PLCH1: variants seen among roughly 807,000 people sequenced by gnomAD.
PLCH1 encodes the protein phospholipase C eta 1.
Under a neutral mutation model 126.7 loss-of-function variants are expected in PLCH1, and 60 were observed. That is an observed-to-expected ratio of 0.47 (90% CI 0.38 to 0.59). PLCH1 has a LOEUF of 0.59. Ranked by LOEUF, PLCH1 falls within the 20% of genes least tolerant of loss-of-function variation. The pLI is 0.00. For synonymous variants in PLCH1, 719 were observed against 734.9 expected (o/e 0.98, Z 0.35); for missense variants, 1,723 against 2,040.0 (o/e 0.84, Z 2.99).
At chr3:155,653,350 T>C (rs1404781328) in intron 2 of PLCH1, among the ~76,000 whole-genome samples, 1 of 152,186 alleles carries the variant, frequency 6.6e-6, no homozygotes, top group East Asian at 1.9e-4. Flanking sequence ...TTTTGTTTTC[T>C]TCCCTTCCTC....
intron 1 of PLCH1, among the ~76,000 whole-genome samples, chr3:155,733,230 A>G (rs897434523): frequency 2.0e-5 from 3 of 152,202 alleles, no homozygotes; most frequent in Non-Finnish European, 4.4e-5. Context: ...TAAAATTCAT[A>G]TGGAACCACA....
chr3:155,736,655 C>G (rs1272005446), intron 1 of PLCH1, among the ~76,000 whole-genome samples: 1 of 152,122 alleles, frequency 6.6e-6, no homozygotes, highest in Non-Finnish European at 1.5e-5. Flanking sequence ...ATTGCAAAAC[C>G]TCTCCCGCCC....
intron 2 of PLCH1, among the ~76,000 whole-genome samples, chr3:155,653,140 G>GAT (rs1222348272): frequency 1.7e-5 from 1 of 58,110 alleles, no homozygotes. Flanking sequence ...TATAGATATA[G>GAT]ATATAGATAT....
intron 10 of PLCH1, among the ~76,000 whole-genome samples, chr3:155,533,177 T>TG (rs1722915358): frequency 6.6e-6 from 1 of 152,222 alleles, no homozygotes; most frequent in Non-Finnish European, 1.5e-5. Flanking sequence ...AGAGATGATC[T>TG]GAAATTGGAA....
intron 1 of PLCH1, among the ~76,000 whole-genome samples, chr3:155,722,962 T>C (rs781118931): frequency 6.6e-6 from 1 of 152,182 alleles, no homozygotes; most frequent in African/African-American, 2.4e-5. Flanking sequence ...GGACTTTTCT[T>C]GTTGGCAATT....
intron 17 of PLCH1, among the ~76,000 whole-genome samples, chr3:155,493,535 G>A (rs114560494): frequency 0.033 from 4,965 of 152,020 alleles, 103 homozygotes; most frequent in Middle Eastern, 0.14. Flanking sequence ...CTACAGGCAC[G>A]CACCACTATG....
chr3:155,581,201 TA>T (rs1287964226), intron 6 of PLCH1, among the ~76,000 whole-genome samples: 3 of 152,192 alleles, frequency 2.0e-5, no homozygotes, highest in African/African-American at 7.2e-5. Flanking sequence ...GGTTCTGTGG[TA>T]GAATTTTATC....
chr3:155,471,109 C>G (rs986470284), intron 21 of PLCH1, among the ~76,000 whole-genome samples: 7 of 151,956 alleles, frequency 4.6e-5, no homozygotes, highest in East Asian at 1.9e-4. Flanking sequence ...ACTAAATGCT[C>G]CAATTAAAAG....
In PLCH1 at chr3:155,554,312, T is replaced by C. The variant is rs1375348445; in HGVS notation, c.1070-116A>G. ...TCTGAAATTATACCCATTTCAATCC[T>C]GACAAAGACGTGACACAGACACAGA... is the stretch of plus-strand genomic sequence containing the variant. On this transcript the variant is annotated intron_variant, in intron 8 of 22. Coordinates refer to ENST00000460012, the MANE Select transcript of PLCH1 (RefSeq NM_014996.4). The C allele has an allele frequency of 3.2e-6, 3 of 945,486 alleles. No individual in the cohort carries two copies. In the African/African-American group the frequency reaches 5.0e-5, roughly 16 times the overall value. The allele number at this position is 945,486 out of a possible 1,614,324, so 58.6% of individuals were successfully genotyped here.
In PLCH1 at chr3:155,451,891, G is replaced by A. The variant is rs78653674; in HGVS notation, c.2938+33465C>T. ...ACACTATCAGCTCACTTGCTTCTCAGGCCTTCCTACTCAAACTGGAATGTA... is the reference window on the plus strand; with the variant it reads ...ACACTATCAGCTCACTTGCTTCTCAAGCCTTCCTACTCAAACTGGAATGTA... On this transcript the variant is annotated intron_variant, in intron 21 of 21. Coordinates refer to the PLCH1 transcript ENST00000494598. Among the ~76,000 whole-genome samples, 7 of 152,152 alleles carry A rather than the reference G, an allele frequency of 4.6e-5. No individual in the cohort carries two copies. The East Asian group carries it at 1.4e-3, about 29-fold the overall frequency.
chr3:155,515,323 G>GT (rs1390014092), intron 11 of PLCH1, among the ~76,000 whole-genome samples: 1 of 152,230 alleles, frequency 6.6e-6, no homozygotes, highest in Non-Finnish European at 1.5e-5. Flanking sequence ...GCCAGGGAAA[G>GT]TTTTTGGAAA....
At chr3:155,587,338 C>G (rs2108613392) in intron 4 of PLCH1, among the ~76,000 whole-genome samples, 1 of 152,206 alleles carries the variant, frequency 6.6e-6, no homozygotes, top group East Asian at 1.9e-4. Flanking sequence ...TTTCTCTGTC[C>G]CACTCAGACA....
intron 10 of PLCH1, among the ~76,000 whole-genome samples, chr3:155,544,156 C>G (rs1057218972): frequency 1.6e-3 from 247 of 152,204 alleles, no homozygotes; most frequent in African/African-American, 5.3e-3. Context: ...CACGTGCAGA[C>G]ACACACATAG....
intron 1 of PLCH1, among the ~76,000 whole-genome samples, chr3:155,715,732 C>G (rs1450901898): frequency 1.3e-5 from 2 of 151,596 alleles, no homozygotes; most frequent in Non-Finnish European, 2.9e-5. Context: ...CATGCCTCAG[C>G]CTTCCAAGTA....
At chr3:155,586,981 C>G (rs921544433) in intron 4 of PLCH1, among the ~76,000 whole-genome samples, 11 of 152,178 alleles carry the variant, frequency 7.2e-5, no homozygotes, top group Admixed American at 3.3e-4. Context: ...CCTCCAATAG[C>G]AAACTCCATA....
chr3:155,731,416 T>C (rs907757136), intron 1 of PLCH1, among the ~76,000 whole-genome samples: 5 of 152,014 alleles, frequency 3.3e-5, no homozygotes, highest in Non-Finnish European at 7.4e-5. Flanking sequence ...ATGGACCCAA[T>C]CAACAGGTCC....
rs9846168 is a variant in PLCH1 at position 155,568,935 on chromosome 3, T to C, written c.772-611A>G. On this transcript the variant is annotated intron_variant, in intron 6 of 22. Coordinates refer to ENST00000460012, the MANE Select transcript of PLCH1 (RefSeq NM_014996.4). Reference sequence around the variant, plus strand: ...GACTGCTTGCGTTCAAATCACCTAGTTTATATTATTAATAGTGTGACATTG... The same window carrying C: ...GACTGCTTGCGTTCAAATCACCTAGCTTATATTATTAATAGTGTGACATTG... 2.5e-3 allele frequency among the ~76,000 whole-genome samples: 384 copies of C among 152,264 alleles called. 1 individual carries two copies. The highest frequency in any genetic ancestry group is 4.4e-3 in the Non-Finnish European group (301 of 68,006).
chr3:155,500,040 T>C (rs1329020305), intron 14 of PLCH1, among the ~76,000 whole-genome samples: 3 of 152,096 alleles, frequency 2.0e-5, no homozygotes, highest in Non-Finnish European at 4.4e-5. Flanking sequence ...CTATCTAATA[T>C]ATATAATTTA....
At chr3:155,599,600 A>C (rs1733461060) in intron 2 of PLCH1, among the ~76,000 whole-genome samples, 1 of 152,224 alleles carries the variant, frequency 6.6e-6, no homozygotes, top group South Asian at 2.1e-4. Flanking sequence ...TAATTTAGGA[A>C]GATGTTTCCT....
Sources: gnomAD v4.1 joint callset for allele counts (sites outside exome capture counted in the v4.1 genomes callset) on GRCh38, gnomAD v4.1.1 for gene constraint, MANE v1.5 for transcripts, NCBI Gene and HGNC (gene_info 2026-07-23, HGNC 2026-07-21) for gene names.